The following STK32C variants were observed in gnomAD, a reference collection of about 807,000 sequenced individuals.
The protein encoded by STK32C is serine/threonine kinase 32C.
In STK32C, 31 loss-of-function variants were observed where a neutral mutation model predicts 56.5. The observed-to-expected ratio is 0.55, with a 90% CI of 0.41 to 0.74. The LOEUF (loss-of-function observed/expected upper bound fraction) is 0.74. Among genes scored for constraint, STK32C ranks in the 30% least tolerant of loss-of-function variants. The pLI, the probability that STK32C is intolerant of heterozygous loss-of-function variation, is 0.00. For missense variants in STK32C, 544 were observed against 676.9 expected, an observed-to-expected ratio of 0.80 and a Z score of 2.18; for synonymous variants, 309 against 289.4, an observed-to-expected ratio of 1.07 and a Z score of -0.69.
At chr10:132,260,187 C>T (rs371982319) in intron 1 of STK32C, among the ~76,000 whole-genome samples, 3 of 152,210 alleles carry the variant, frequency 2.0e-5, no homozygotes, top group Non-Finnish European at 2.9e-5. Flanking sequence ...GACACTGACA[C>T]GTCCTCCCAG....
At chr10:132,324,570 G>A (rs2066462346) in intron 1 of STK32C, among the ~76,000 whole-genome samples, 2 of 152,286 alleles carry the variant, frequency 1.3e-5, no homozygotes, top group Admixed American at 6.5e-5. Context: ...GTAAACTTAC[G>A]TAGAAATGTG....
intron 1 of STK32C, among the ~76,000 whole-genome samples, chr10:132,286,887 C>T (rs1242070324): frequency 6.6e-6 from 1 of 152,152 alleles, no homozygotes; most frequent in East Asian, 1.9e-4. Flanking sequence ...TGCTGGAGAT[C>T]CCAGAGAGTG....
chr10:132,241,202 C>T (rs1478864636), intron 2 of STK32C, among the ~76,000 whole-genome samples: 3 of 152,218 alleles, frequency 2.0e-5, no homozygotes, highest in African/African-American at 4.8e-5. Context: ...AAGAGCCACA[C>T]GCCCAGCCCA....
intron 1 of STK32C, among the ~76,000 whole-genome samples, chr10:132,248,180 C>T (rs113418614): frequency 1.2e-4 from 18 of 152,364 alleles, no homozygotes; most frequent in South Asian, 8.3e-4. Flanking sequence ...GAGCAGCTGC[C>T]GCCATGTGGC....
At chr10:132,264,576 C>T (rs2064431076) in intron 1 of STK32C, among the ~76,000 whole-genome samples, 1 of 152,214 alleles carries the variant, frequency 6.6e-6, no homozygotes, top group Non-Finnish European at 1.5e-5. Context: ...GCCAGGACCC[C>T]TCCAGGACCC....
intron 1 of STK32C, among the ~76,000 whole-genome samples, chr10:132,295,993 G>A (rs1222704232): frequency 6.6e-6 from 1 of 151,538 alleles, no homozygotes; most frequent in Non-Finnish European, 1.5e-5. Context: ...CTGCCAGGGA[G>A]GACAGTGTGG....
At chr10:132,278,490 G>A (rs899695106) in intron 1 of STK32C, among the ~76,000 whole-genome samples, 3 of 152,148 alleles carry the variant, frequency 2.0e-5, no homozygotes, top group African/African-American at 2.4e-5. Flanking sequence ...GGCCGGGCGC[G>A]GTGGCTCACG....
At chr10:132,299,390 G>A (rs945829322) in intron 1 of STK32C, among the ~76,000 whole-genome samples, 3 of 149,486 alleles carry the variant, frequency 2.0e-5, no homozygotes, top group Non-Finnish European at 4.4e-5. Flanking sequence ...ACAGTGGACT[G>A]AGACCCCAGG....
intron 1 of STK32C, chr10:132,249,172 T>TGC: frequency 2.7e-6 from 1 of 376,594 alleles, no homozygotes; most frequent in Non-Finnish European, 5.4e-6. Context: ...GGGGCGGGGC[T>TGC]ATGGGGGTCA....
At chr10:132,225,388 C>T in intron 6 of STK32C, 52 bp from the exon 7 acceptor site, 1 of 1,589,910 alleles carries the variant, frequency 6.3e-7, no homozygotes, top group Non-Finnish European at 8.6e-7. Flanking sequence ...CAGCCCGGAC[C>T]CGTGGGCACA....
chr10:132,242,355 C>A (rs1418147616), intron 2 of STK32C, among the ~76,000 whole-genome samples: 4 of 152,108 alleles, frequency 2.6e-5, no homozygotes, highest in Admixed American at 6.5e-5. Context: ...GGTGAAGGGG[C>A]TCCGACGGCA....
intron 10 of STK32C, among the ~76,000 whole-genome samples, chr10:132,215,219 G>T (rs183262851): frequency 6.0e-4 from 92 of 152,150 alleles, no homozygotes; most frequent in Middle Eastern, 3.4e-3. Flanking sequence ...TCGCCATGTT[G>T]CCCAGCCTGG....
At chr10:132,252,602 G>A (rs557215570) in intron 1 of STK32C, among the ~76,000 whole-genome samples, 322 of 152,328 alleles carry the variant, frequency 2.1e-3, no homozygotes, top group Non-Finnish European at 2.4e-3. Flanking sequence ...TCTGCCTGAA[G>A]GAAGCACCTC....
chr10:132,223,717 G>T (rs544807563), intron 8 of STK32C, among the ~76,000 whole-genome samples: 71 of 152,300 alleles, frequency 4.7e-4, no homozygotes, highest in African/African-American at 1.6e-3. Flanking sequence ...GGCCCCACCT[G>T]CCTGAGACAC....
intron 1 of STK32C, among the ~76,000 whole-genome samples, chr10:132,325,247 T>C (rs917144325): frequency 1.3e-5 from 2 of 152,050 alleles, no homozygotes; most frequent in Admixed American, 6.5e-5. Flanking sequence ...CGAGATCTGA[T>C]GGTTTTAGAA....
chr10:132,282,107 G>C (rs529204858), intron 1 of STK32C, among the ~76,000 whole-genome samples: 1 of 152,356 alleles, frequency 6.6e-6, no homozygotes, highest in East Asian at 1.9e-4. Context: ...GGTGCTGGGC[G>C]GGGAGGCGCT....
At chr10:132,236,459 C>T (rs1039204604) in intron 2 of STK32C, among the ~76,000 whole-genome samples, 1 of 152,238 alleles carries the variant, frequency 6.6e-6, no homozygotes, top group Non-Finnish European at 1.5e-5. Flanking sequence ...GCCCCACACA[C>T]ACTGGGCAGC....
At chr10:132,305,451 A>AT (rs1490492477) in intron 1 of STK32C, among the ~76,000 whole-genome samples, 4 of 152,230 alleles carry the variant, frequency 2.6e-5, no homozygotes, top group Non-Finnish European at 5.9e-5. Flanking sequence ...AATCTAAAAA[A>AT]TTCATCGGAA....
chr10:132,237,561 T>C (rs4880355), intron 2 of STK32C, among the ~76,000 whole-genome samples: 64,561 of 152,156 alleles, frequency 0.42, 15,135 homozygotes, highest in Admixed American at 0.54. Context: ...TGCGCCGAGG[T>C]CCCCACGCAG....
Sources: gnomAD v4.1 joint callset for allele counts (sites outside exome capture counted in the v4.1 genomes callset) on GRCh38, gnomAD v4.1.1 for gene constraint, MANE v1.5 for transcripts, NCBI Gene and HGNC (gene_info 2026-07-23, HGNC 2026-07-21) for gene names.